The following PIK3CB variants were observed in gnomAD, a reference collection of about 807,000 sequenced individuals.
PIK3CB encodes the protein phosphatidylinositol-4,5-bisphosphate 3-kinase catalytic subunit beta, also known as phosphatidylinositol 4,5-bisphosphate 3-kinase catalytic subunit beta isoform.
Under a neutral mutation model 136.8 loss-of-function variants are expected in PIK3CB, and 39 were observed. The observed-to-expected ratio is 0.29, with a 90% confidence interval of 0.22 to 0.37. The LOEUF (loss-of-function observed/expected upper bound fraction) is 0.37. Ranked by LOEUF, PIK3CB falls within the 10% of genes least tolerant of loss-of-function variation. The pLI is 1.00. For missense variants in PIK3CB, 868 were observed against 1,275.4 expected, an observed-to-expected ratio of 0.68 and a Z score of 4.87; for synonymous variants, 428 against 436.6, an observed-to-expected ratio of 0.98 and a Z score of 0.25.
At chr3:138,704,692 A>G (rs551663808) in intron 11 of PIK3CB, among the ~76,000 whole-genome samples, 199 bp from the exon 12 acceptor site, 1 of 152,252 alleles carries the variant, frequency 6.6e-6, no homozygotes, top group East Asian at 1.9e-4. Context: ...GTATTGCTAT[A>G]AGGGATTATG....
intron 21 of PIK3CB, among the ~76,000 whole-genome samples, chr3:138,659,961 C>T (rs2043263940): frequency 6.7e-6 from 1 of 149,654 alleles, no homozygotes; most frequent in Non-Finnish European, 1.5e-5. Flanking sequence ...CTGCAAGCTC[C>T]ACCTCCCAGG....
intron 8 of PIK3CB, among the ~76,000 whole-genome samples, chr3:138,728,169 C>A (rs564706083): frequency 6.6e-6 from 1 of 152,238 alleles, no homozygotes; most frequent in African/African-American, 2.4e-5. Context: ...GCTCAGCTGG[C>A]ATGGAGTAAG....
At position 138,652,957 on chromosome 3, in the gene PIK3CB, A is replaced by G. The variant is rs1246990567; in HGVS notation, c.*2432T>C. The G allele has an allele frequency of 4.6e-6, 1 of 216,510 alleles. No individual in the cohort carries two copies. The highest frequency in any genetic ancestry group is 7.0e-5 in the East Asian group (1 of 14,320). The allele number at this position is 216,510 out of a possible 1,614,324, so 13.4% of individuals were successfully genotyped here. A position where few individuals can be genotyped will look rare whatever the true frequency, so the allele number is the denominator to read the frequency against. On this transcript the variant is annotated 3_prime_UTR_variant, in exon 24 of 24. Coordinates refer to ENST00000674063, the MANE Select transcript of PIK3CB (RefSeq NM_006219.3). ...TGATGCTGATGCTCCTCATCAGGGGACCACACTTGGAGAATGATTGCTATA... is the reference window on the plus strand; with the variant it reads ...TGATGCTGATGCTCCTCATCAGGGGGCCACACTTGGAGAATGATTGCTATA...
chr3:138,674,366 C>G (rs1205887563), intron 19 of PIK3CB, among the ~76,000 whole-genome samples: 2 of 152,092 alleles, frequency 1.3e-5, no homozygotes, highest in African/African-American at 4.8e-5. Flanking sequence ...AGTGCCTCAG[C>G]AGACTGGAAG....
intron 2 of PIK3CB, among the ~76,000 whole-genome samples, chr3:138,776,922 CAAAAAAAA>C (rs11435742): frequency 7.0e-5 from 4 of 57,406 alleles, no homozygotes; most frequent in Admixed American, 4.3e-4. Flanking sequence ...GACTCTACCT[CAAAAAAAA>C]AAAAAAAAAA....
In PIK3CB at chr3:138,711,439, C is replaced by T. The variant is rs138624455; in HGVS notation, c.1399+769G>A. On this transcript the variant is annotated intron_variant, in intron 10 of 23. Coordinates refer to ENST00000674063, the MANE Select transcript of PIK3CB (RefSeq NM_006219.3). ...TACTAAAAATACAAAATTAGCTGGA[C>T]GTGGTGGCACATGCCTGTAATCCCA... Among the ~76,000 whole-genome samples, 449 of 151,546 alleles carry T rather than the reference C, an allele frequency of 3.0e-3. 8 individuals carry two copies. The highest frequency in any genetic ancestry group is 0.029 in the Admixed American group (434 of 15,202).
At chr3:138,761,714 GA>G (rs1306407636) in intron 2 of PIK3CB, among the ~76,000 whole-genome samples, 3 of 152,194 alleles carry the variant, frequency 2.0e-5, no homozygotes, top group African/African-American at 7.2e-5. Context: ...AGGTTGCAGT[GA>G]GCCTAGACAG....
chr3:138,684,149 T>C (rs991792799), intron 17 of PIK3CB, among the ~76,000 whole-genome samples: 14 of 152,252 alleles, frequency 9.2e-5, no homozygotes, highest in Non-Finnish European at 1.8e-4. Flanking sequence ...CCATTCTTGA[T>C]TTCTTAACAA....
chr3:138,763,379 C>T (rs2045689099), intron 2 of PIK3CB, among the ~76,000 whole-genome samples: 1 of 152,232 alleles, frequency 6.6e-6, no homozygotes, highest in East Asian at 1.9e-4. Flanking sequence ...CCTCATGATC[C>T]ACCCGCCTCG....
chr3:138,806,060 T>C (rs781157577), intron 1 of PIK3CB, among the ~76,000 whole-genome samples: 6 of 151,904 alleles, frequency 3.9e-5, no homozygotes, highest in Non-Finnish European at 8.8e-5. Context: ...TTCTTCCCCT[T>C]ACAAAAAGAA....
chr3:138,670,415 T>C (rs1298760223), intron 19 of PIK3CB, among the ~76,000 whole-genome samples: 1 of 152,188 alleles, frequency 6.6e-6, no homozygotes, highest in Non-Finnish European at 1.5e-5. Flanking sequence ...TCCCTCCTTT[T>C]TTGTGGGATC....
intron 2 of PIK3CB, chr3:138,769,977 AAGCAATT>A (rs2045780516): frequency 6.6e-6 from 1 of 152,192 alleles, no homozygotes; most frequent in South Asian, 2.1e-4. Context: ...TTTTTCCCCA[AAGCAATT>A]AGCATAATTT....
intron 1 of PIK3CB, among the ~76,000 whole-genome samples, chr3:138,831,365 GCCA>G: frequency 1.3e-5 from 2 of 151,762 alleles, no homozygotes. Context: ...GGCCGAGGCG[GCCA>G]GATCACCTGA....
At chr3:138,713,182 A>T (rs1576348659) in intron 9 of PIK3CB, among the ~76,000 whole-genome samples, 2 of 143,110 alleles carry the variant, frequency 1.4e-5, no homozygotes, top group Non-Finnish European at 1.5e-5. Context: ...CTTTTAGGGT[A>T]TTTTTTTTTT....
At chr3:138,711,579 CAAAAAAAAAAAAA>C (rs139989947) in intron 10 of PIK3CB, among the ~76,000 whole-genome samples, 18 of 67,540 alleles carry the variant, frequency 2.7e-4, no homozygotes, top group Admixed American at 6.6e-4. Flanking sequence ...AACTCCGTCG[CAAAAAAAAAAAAA>C]AAAAAAAAAA....
At chr3:138,811,012 A>C (rs1933018934) in intron 1 of PIK3CB, among the ~76,000 whole-genome samples, 1 of 151,994 alleles carries the variant, frequency 6.6e-6, no homozygotes, top group Non-Finnish European at 1.5e-5. Flanking sequence ...GCAGATCACA[A>C]GGTCAGGCGT....
intron 2 of PIK3CB, among the ~76,000 whole-genome samples, chr3:138,759,985 C>T (rs968043158): frequency 3.3e-5 from 5 of 151,462 alleles, no homozygotes; most frequent in East Asian, 1.9e-4. Context: ...GCAGTAGTGA[C>T]ATCTCAGCTC....
At chr3:138,729,205 C>T (rs992200822) in intron 8 of PIK3CB, among the ~76,000 whole-genome samples, 10 of 151,502 alleles carry the variant, frequency 6.6e-5, no homozygotes, top group Non-Finnish European at 1.0e-4. Flanking sequence ...CACTTGAACC[C>T]GGGAGGCGGA....
rs140324768 is a variant in PIK3CB, at chr3:138,809,597, A to C, written c.-121-13030T>G. On this transcript the variant is annotated intron_variant, in intron 1 of 23. Transcript: ENST00000674063. ...CTCCAGCCTGGGGGACAAGAGCGAG[A>C]CTTTGCCTCAAAAAAAAAAAAAAAA... 7.3e-3 allele frequency among the ~76,000 whole-genome samples: 804 copies of C among 110,656 alleles called. 18 individuals are homozygous for C. The East Asian group carries it at 0.076, about 10-fold the overall frequency. The allele number at this position is 110,656 out of a possible 152,430, so 72.6% of individuals were successfully genotyped here.
Sources: allele counts gnomAD v4.1 joint callset (sites outside exome capture counted in the v4.1 genomes callset), GRCh38; gene constraint gnomAD v4.1.1; transcripts MANE v1.5; gene names NCBI Gene and HGNC (gene_info 2026-07-23, HGNC 2026-07-21).